Variants in WWOX observed in about 807,000 individuals in gnomAD.
The protein encoded by WWOX is WW domain containing oxidoreductase, also known as WW domain-containing oxidoreductase.
A neutral mutation model predicts 46.2 loss-of-function variants in WWOX; 69 were observed. That is an observed-to-expected ratio of 1.49 (90% CI 1.23 to 1.82). The LOEUF is 1.82. Ranked by LOEUF, WWOX falls within the 40% of genes most tolerant of loss-of-function variation. The pLI, the probability that WWOX is intolerant of heterozygous loss-of-function variation, is 0.00. For missense variants in WWOX, 919 were observed against 542.6 expected (o/e 1.69, Z -6.89); for synonymous variants, 359 against 202.6 (o/e 1.77, Z -6.56).
At chr16:78,967,467 T>TG (rs1372711880) in intron 8 of WWOX, among the ~76,000 whole-genome samples, 1 of 145,170 alleles carries the variant, frequency 6.9e-6, no homozygotes, top group Admixed American at 6.9e-5. Flanking sequence ...TGGTTTTTTT[T>TG]TTTTTTTTTT....
chr16:78,894,844 G>A (rs986513602), intron 8 of WWOX, among the ~76,000 whole-genome samples: 5 of 152,162 alleles, frequency 3.3e-5, no homozygotes, highest in Non-Finnish European at 7.3e-5. Flanking sequence ...CGGCTATTAT[G>A]AGAAAAACAG....
chr16:78,742,805 C>G (rs1318953987), intron 8 of WWOX, among the ~76,000 whole-genome samples: 1 of 152,110 alleles, frequency 6.6e-6, no homozygotes, highest in African/African-American at 2.4e-5. Context: ...GGAAACTTTG[C>G]GGGAATTCAC....
At chr16:78,749,847 A>G (rs1300314669) in intron 8 of WWOX, among the ~76,000 whole-genome samples, 1 of 152,170 alleles carries the variant, frequency 6.6e-6, no homozygotes, top group Admixed American at 6.5e-5. Flanking sequence ...CAAGCTGACA[A>G]CCACATCCTG....
chr16:78,440,405 G>A (rs1045681252), intron 8 of WWOX, among the ~76,000 whole-genome samples: 1 of 152,104 alleles, frequency 6.6e-6, no homozygotes. Context: ...GCAAAACTCA[G>A]TCTGAACAGC....
chr16:78,372,136 T>C (rs1212603744), intron 5 of WWOX, among the ~76,000 whole-genome samples: 1 of 152,202 alleles, frequency 6.6e-6, no homozygotes, highest in Non-Finnish European at 1.5e-5. Flanking sequence ...ACAGGGATTT[T>C]TGTGAACAGC....
intron 8 of WWOX, among the ~76,000 whole-genome samples, chr16:78,533,087 AGT>A: frequency 6.6e-6 from 1 of 152,122 alleles, no homozygotes; most frequent in Non-Finnish European, 1.5e-5. Context: ...TCCTAGCCTC[AGT>A]TCCTTTCCAT....
intron 8 of WWOX, among the ~76,000 whole-genome samples, chr16:79,151,027 A>T (rs2050268492): frequency 6.6e-6 from 1 of 152,136 alleles, no homozygotes; most frequent in South Asian, 2.1e-4. Context: ...TCCCTTTTAA[A>T]CGTTAGTTTT....
chr16:78,727,730 G>A (rs928430139), intron 8 of WWOX, among the ~76,000 whole-genome samples: 1 of 152,082 alleles, frequency 6.6e-6, no homozygotes, highest in Non-Finnish European at 1.5e-5. Flanking sequence ...GGAGGACTTT[G>A]GACTTGGGGA....
In WWOX at chr16:78,838,630, T is replaced by A. The variant is rs141034668; in HGVS notation, c.1057-372978T>A. Among the ~76,000 whole-genome samples, 1,097 of 152,142 alleles carry A rather than the reference T, an allele frequency of 7.2e-3. 20 individuals are homozygous for A. Among genetic ancestry groups the A allele is most frequent in the African/African-American group, 0.026 (1,059 of 41,526 alleles). On this transcript the variant is annotated intron_variant, in intron 8 of 8. Transcript: ENST00000566780. ...GCCAAGGCAGATGGGTCACCTGAGG[T>A]CCGGAGTTCCAGACCAGCCTGACCA...
At chr16:79,045,476 C>T (rs540949393) in intron 8 of WWOX, among the ~76,000 whole-genome samples, 69 of 152,312 alleles carry the variant, frequency 4.5e-4, no homozygotes, top group Non-Finnish European at 9.0e-4. Flanking sequence ...CAGCTGACCT[C>T]TCCAGAAAGA....
intron 5 of WWOX, among the ~76,000 whole-genome samples, chr16:78,351,620 A>G (rs921557310): frequency 6.6e-6 from 1 of 152,140 alleles, no homozygotes. Context: ...TATATTGCAC[A>G]TAGCTCCTGA....
intron 8 of WWOX, among the ~76,000 whole-genome samples, chr16:78,434,192 G>C (rs1225743754): frequency 6.6e-6 from 1 of 150,798 alleles, no homozygotes; most frequent in Non-Finnish European, 1.5e-5. Context: ...TTTAGGCAGA[G>C]TAAACAGACA....
At chr16:78,539,877 C>A (rs749658135) in intron 8 of WWOX, among the ~76,000 whole-genome samples, 1 of 152,150 alleles carries the variant, frequency 6.6e-6, no homozygotes, top group Non-Finnish European at 1.5e-5. Flanking sequence ...AATTTACTCT[C>A]TCTTCATAGA....
chr16:78,110,173 C>G (rs1180240128), intron 3 of WWOX, among the ~76,000 whole-genome samples: 1 of 151,762 alleles, frequency 6.6e-6, no homozygotes, highest in East Asian at 1.9e-4. Flanking sequence ...AACTCCGTCT[C>G]TACTAAAAAT....
chr16:78,228,154 T>A (rs1013612993), intron 5 of WWOX, among the ~76,000 whole-genome samples: 2 of 151,976 alleles, frequency 1.3e-5, no homozygotes, highest in African/African-American at 4.8e-5. Context: ...AGCCTTTGCA[T>A]AGAGAGAGAA....
intron 8 of WWOX, among the ~76,000 whole-genome samples, chr16:78,765,172 G>C (rs1597572739): frequency 6.6e-6 from 1 of 152,316 alleles, no homozygotes; most frequent in African/African-American, 2.4e-5. Context: ...CACAGTGTGG[G>C]GATTGGGGTG....
chr16:78,229,292 A>T (rs556955055), intron 5 of WWOX, among the ~76,000 whole-genome samples: 6 of 151,228 alleles, frequency 4.0e-5, no homozygotes, highest in Non-Finnish European at 8.8e-5. Flanking sequence ...AAAGAATAAA[A>T]AGAGCCAGGA....
intron 1 of WWOX, among the ~76,000 whole-genome samples, chr16:78,101,672 T>C (rs958302474): frequency 6.6e-6 from 1 of 152,132 alleles, no homozygotes; most frequent in Admixed American, 6.6e-5. Flanking sequence ...TGGTAGGTTG[T>C]AAAATCTTCC....
chr16:78,383,447 A>C (rs9928827), intron 5 of WWOX, among the ~76,000 whole-genome samples: 14,642 of 152,172 alleles, frequency 0.096, 828 homozygotes, highest in African/African-American at 0.15. Flanking sequence ...AATTATGGTC[A>C]GTTGCAGATT....
Sources: allele counts gnomAD v4.1 joint callset (sites outside exome capture counted in the v4.1 genomes callset), GRCh38; gene constraint gnomAD v4.1.1; transcripts MANE v1.5; gene names NCBI Gene and HGNC (gene_info 2026-07-23, HGNC 2026-07-21).